ITPR2: variants seen among roughly 807,000 people sequenced by gnomAD.
The protein encoded by ITPR2 is inositol 1,4,5-trisphosphate-gated calcium channel ITPR2.
ITPR2 carries 207 observed loss-of-function variants against 317.1 expected under a neutral mutation model. The ratio of observed to expected loss-of-function variants is 0.65; its 90% confidence interval spans 0.58 to 0.73. The LOEUF (loss-of-function observed/expected upper bound fraction) is 0.73. ITPR2 is among the 30% of genes least tolerant of loss of function. The probability of loss-of-function intolerance (pLI) is 0.00; values close to 1 mark genes in which losing one functional copy is unlikely to be tolerated. For missense variants in ITPR2, 2,613 were observed against 3,284.0 expected, an observed-to-expected ratio of 0.80 and a Z score of 4.99; for synonymous variants, 1,156 against 1,149.1, an observed-to-expected ratio of 1.01 and a Z score of -0.12.
intron 13 of ITPR2, among the ~76,000 whole-genome samples, chr12:26,675,472 T>C (rs1265104794): frequency 6.6e-6 from 1 of 151,304 alleles, no homozygotes; most frequent in Non-Finnish European, 1.5e-5. Flanking sequence ...CCACATGTTC[T>C]ACTCATAGGT....
intron 54 of ITPR2, among the ~76,000 whole-genome samples, chr12:26,392,695 T>C (rs1032909863): frequency 1.3e-5 from 2 of 152,210 alleles, no homozygotes; most frequent in Admixed American, 6.5e-5. Flanking sequence ...ATTAGAGATA[T>C]AGATTTAGAA....
intron 12 of ITPR2, among the ~76,000 whole-genome samples, chr12:26,682,278 G>A (rs1292409096): frequency 6.6e-6 from 1 of 152,120 alleles, no homozygotes; most frequent in Non-Finnish European, 1.5e-5. Flanking sequence ...CTCTGCTTCA[G>A]TTTCGACAGA....
Position 26,812,472 on chromosome 12 carries a change from G to A in ITPR2, c.92+20218C>T, listed in dbSNP as rs543159250. ...CAGGCGCCTGTACTCCCAGCTACTC[G>A]GGAGGCTGAGGCAGGAGAATGGCGT... On this transcript the variant is annotated intron_variant, in intron 1 of 56. Transcript: ENST00000381340. Among the ~76,000 whole-genome samples the A allele has an allele frequency of 5.1e-3, 768 of 152,040 alleles. 5 individuals are homozygous for A. Among genetic ancestry groups the A allele is most frequent in the Non-Finnish European group, 6.7e-3 (457 of 67,972 alleles).
chr12:26,820,644 A>T (rs988639854), intron 1 of ITPR2, among the ~76,000 whole-genome samples: 2 of 152,246 alleles, frequency 1.3e-5, no homozygotes, highest in Non-Finnish European at 2.9e-5. Context: ...AAGAATTTTT[A>T]AAAATATATA....
At chr12:26,529,245 T>A (rs1943889486) in intron 37 of ITPR2, among the ~76,000 whole-genome samples, 1 of 152,114 alleles carries the variant, frequency 6.6e-6, no homozygotes, top group Non-Finnish European at 1.5e-5. Context: ...TCAGACAACA[T>A]CAAAGTCCTT....
chr12:26,475,648 C>T (rs147151634), intron 44 of ITPR2, among the ~76,000 whole-genome samples: 37 of 152,148 alleles, frequency 2.4e-4, no homozygotes, highest in African/African-American at 8.0e-4. Flanking sequence ...TTGATAGTGC[C>T]GAAGTTCCCA....
At chr12:26,795,013 C>T (rs560945186) in intron 1 of ITPR2, among the ~76,000 whole-genome samples, 1 of 152,366 alleles carries the variant, frequency 6.6e-6, no homozygotes, top group Admixed American at 6.5e-5. Flanking sequence ...TTGTCGATGT[C>T]TATTCCAGCT....
At chr12:26,475,470 T>C (rs1463282353) in intron 44 of ITPR2, 52 bp from the exon 45 acceptor site, 1 of 1,576,764 alleles carries the variant, frequency 6.3e-7, no homozygotes, top group Non-Finnish European at 8.6e-7. Context: ...ATCTGCTTTA[T>C]ATTTTTATGA....
At chr12:26,705,703 A>G (rs1481325224) in intron 9 of ITPR2, among the ~76,000 whole-genome samples, 1 of 152,172 alleles carries the variant, frequency 6.6e-6, no homozygotes, top group Non-Finnish European at 1.5e-5. Context: ...GGTGAATGAC[A>G]TCGCTAGTTC....
chr12:26,538,353 A>G (rs958382843), intron 37 of ITPR2, among the ~76,000 whole-genome samples: 12 of 152,178 alleles, frequency 7.9e-5, no homozygotes, highest in African/African-American at 2.9e-4. Context: ...TTTGAAAAAA[A>G]AAAAGATTTG....
intron 13 of ITPR2, among the ~76,000 whole-genome samples, chr12:26,674,657 C>T (rs1263377254): frequency 2.0e-5 from 3 of 152,192 alleles, no homozygotes; most frequent in African/African-American, 7.2e-5. Flanking sequence ...ATGTCTAAAA[C>T]ACCAAAAGCA....
At chr12:26,797,835 G>A (rs186196303) in intron 1 of ITPR2, among the ~76,000 whole-genome samples, 2 of 151,514 alleles carry the variant, frequency 1.3e-5, no homozygotes, top group Admixed American at 1.3e-4. Flanking sequence ...GGGATTACAG[G>A]TGCACACTAC....
In ITPR2 at chr12:26,686,598, C is replaced by T. The variant is rs377464722; in HGVS notation, c.1031G>A (p.Arg344His). 198 of 1,610,272 alleles carry T rather than the reference C, an allele frequency of 1.2e-4. No homozygotes were observed. The highest frequency in any genetic ancestry group is 8.7e-4 in the South Asian group (79 of 90,576). Residue 344 changes from arginine to histidine, a missense_variant, in exon 11 of 57, where the codon CGC (arginine) becomes CAC (histidine). Physicochemically the swap from Arg to His is conservative, Grantham distance 29 (BLOSUM62 0). Coordinates refer to ENST00000381340, the MANE Select transcript of ITPR2 (RefSeq NM_002223.4). ...DGVPPTSKKK[R>H]QAGEKIMYTL... ...ATACATGATCTTCTCCCCTGCCTGG[C>T]GTTTTTTCTTTGAAGTTGGAGGGAC... is the stretch of plus-strand genomic sequence containing the variant.
chr12:26,400,235 T>G lies in ITPR2; in HGVS notation c.7423A>C (p.Ile2475Leu). The G allele has an allele frequency of 1.9e-6, 3 of 1,587,810 alleles. No homozygotes were observed. The highest frequency in any genetic ancestry group is 2.6e-6 in the Non-Finnish European group (3 of 1,163,612). Residue 2475 changes from isoleucine (I) to leucine (L), a missense_variant, in exon 53 of 57, where the codon ATT becomes CTT. By Grantham distance (5) the Ile-to-Leu change is conservative. Coordinates refer to ENST00000381340, the MANE Select transcript of ITPR2 (RefSeq NM_002223.4). Reference protein sequence around the residue: ...NTADEEYEDGIERTCDTLLMC... With the variant: ...NTADEEYEDGLERTCDTLLMC... Reference sequence around the variant, plus strand: ...AGGAGAGTGTCACACGTCCTTTCAATTCCATCTTCATACTCTTCATCAGCT... The same window carrying G: ...AGGAGAGTGTCACACGTCCTTTCAAGTCCATCTTCATACTCTTCATCAGCT...
intron 55 of ITPR2, among the ~76,000 whole-genome samples, chr12:26,352,153 C>T (rs1461024603): frequency 1.3e-5 from 2 of 152,194 alleles, no homozygotes; most frequent in Non-Finnish European, 2.9e-5. Flanking sequence ...CTCTGTCTGC[C>T]CTCCCTGTGG....
chr12:26,796,858 C>T (rs1280685761), intron 1 of ITPR2, among the ~76,000 whole-genome samples: 1 of 151,752 alleles, frequency 6.6e-6, no homozygotes, highest in Non-Finnish European at 1.5e-5. Flanking sequence ...GGTGAAACCA[C>T]CCCCGTCTCT....
chr12:26,671,597 G>A (rs1947773726), intron 13 of ITPR2, among the ~76,000 whole-genome samples: 1 of 152,120 alleles, frequency 6.6e-6, no homozygotes, highest in Non-Finnish European at 1.5e-5. Flanking sequence ...GCAAAATCAT[G>A]TCAAAATGTA....
At position 26,457,995 on chromosome 12, in the gene ITPR2, G is replaced by T. The variant is rs144896465; in HGVS notation, c.6343-14345C>A. Reference sequence around the variant, plus strand: ...GTAACCAGGAGCATGCTCACTAAGGGTCACCTGAGCATGTTGGTGAGCACG... The same window carrying T: ...GTAACCAGGAGCATGCTCACTAAGGTTCACCTGAGCATGTTGGTGAGCACG... On this transcript the variant is annotated intron_variant, in intron 45 of 56. Transcript: ENST00000381340. Among the ~76,000 whole-genome samples the T allele has an allele frequency of 7.9e-5, 12 of 152,288 alleles. No individual in the cohort carries two copies. The East Asian group carries it at 2.3e-3, about 29-fold the overall frequency.
At chr12:26,801,749 A>T (rs577534124) in intron 1 of ITPR2, among the ~76,000 whole-genome samples, 1 of 152,324 alleles carries the variant, frequency 6.6e-6, no homozygotes, top group East Asian at 1.9e-4. Flanking sequence ...ATGTGCCAAA[A>T]GTCAGACTGC....
Sources: gnomAD v4.1 joint callset for allele counts (sites outside exome capture counted in the v4.1 genomes callset) on GRCh38, gnomAD v4.1.1 for gene constraint, MANE v1.5 for transcripts, NCBI Gene and HGNC (gene_info 2026-07-23, HGNC 2026-07-21) for gene names.